ATP11A: variants seen among roughly 807,000 people sequenced by gnomAD.
ATP11A encodes ATPase phospholipid transporting 11A, also known as phospholipid-transporting ATPase IH.
A neutral mutation model predicts 154.4 loss-of-function variants in ATP11A; 81 were observed. The observed-to-expected ratio is 0.52, with a 90% CI of 0.44 to 0.63. ATP11A has a LOEUF of 0.63. Ranked by LOEUF, ATP11A falls within the 30% of genes least tolerant of loss-of-function variation. The probability of loss-of-function intolerance (pLI) is 0.00; values close to 1 mark genes in which losing one functional copy is unlikely to be tolerated. For missense variants in ATP11A, 1,316 were observed against 1,474.3 expected, an observed-to-expected ratio of 0.89 and a Z score of 1.76; for synonymous variants, 623 against 585.9, an observed-to-expected ratio of 1.06 and a Z score of -0.91.
chr13:112,782,096 G>A (rs2077514672), intron 1 of ATP11A, among the ~76,000 whole-genome samples: 1 of 152,246 alleles, frequency 6.6e-6, no homozygotes, highest in South Asian at 2.1e-4. Flanking sequence ...CGGGTTAAAC[G>A]CCGCTACACT....
intron 1 of ATP11A, among the ~76,000 whole-genome samples, chr13:112,779,757 T>C (rs1300599660): frequency 6.6e-6 from 1 of 151,848 alleles, no homozygotes; most frequent in Non-Finnish European, 1.5e-5. Flanking sequence ...AATACAAAAT[T>C]AGCTGGACGT....
chr13:112,770,936 G>A lies in ATP11A; in HGVS notation c.40-14199G>A, dbSNP rs115281475. Among the ~76,000 whole-genome samples the A allele has an allele frequency of 4.4e-3, 667 of 152,262 alleles. 7 individuals carry two copies. The highest frequency in any genetic ancestry group is 0.015 in the African/African-American group (623 of 41,542). On this transcript the variant is annotated intron_variant, in intron 1 of 29. Coordinates refer to ENST00000375645, the MANE Select transcript of ATP11A (RefSeq NM_015205.3). ...CTGGATACCTGTACATTTGAATACC[G>A]GCCATTAGGGAGAATCGCCCTGTAA... is the stretch of plus-strand genomic sequence containing the variant.
In ATP11A at chr13:112,862,490, C is replaced by G; in HGVS notation, c.2906C>G (p.Thr969Arg). 6.2e-7 allele frequency: 1 copy of G among 1,614,172 alleles called. No individual in the cohort carries two copies. Among genetic ancestry groups the G allele is most frequent in the Non-Finnish European group, 8.5e-7 (1 of 1,180,010 alleles). Reference sequence around the variant, plus strand: ...CGCTGGCGCGTGTTCATCTACTGGACGCTCCTGGGACTGTTTGACGCACTG... The same window carrying G: ...CGCTGGCGCGTGTTCATCTACTGGAGGCTCCTGGGACTGTTTGACGCACTG... Reference protein sequence around the residue: ...LLRWRVFIYWTLLGLFDALVF... With the variant: ...LLRWRVFIYWRLLGLFDALVF... Residue 969 changes from threonine (T) to arginine (R), a missense_variant, in exon 25 of 30, where the codon ACG becomes AGG. Thr to Arg is a moderately conservative substitution (Grantham distance 71). Coordinates refer to ENST00000375645, the MANE Select transcript of ATP11A (RefSeq NM_015205.3).
intron 1 of ATP11A, among the ~76,000 whole-genome samples, chr13:112,783,018 G>A (rs117081655): frequency 3.9e-5 from 6 of 152,314 alleles, no homozygotes; most frequent in East Asian, 1.9e-4. Context: ...GTCTCTTTCC[G>A]TTATTTTACT....
chr13:112,854,220 T>G, intron 18 of ATP11A, 59 bp from the exon 19 acceptor site: 2 of 1,541,050 alleles, frequency 1.3e-6, no homozygotes, highest in Non-Finnish European at 1.7e-6. Context: ...GTTCCTTATT[T>G]GGATTCCTGG....
At chr13:112,724,696 C>G (rs754542714) in intron 1 of ATP11A, among the ~76,000 whole-genome samples, 11 of 151,068 alleles carry the variant, frequency 7.3e-5, no homozygotes, top group South Asian at 2.1e-4. Context: ...CCGGCCCCCC[C>G]CCAGGAAGCT....
At chr13:112,744,295 G>A (rs1891879923) in intron 1 of ATP11A, among the ~76,000 whole-genome samples, 1 of 151,400 alleles carries the variant, frequency 6.6e-6, no homozygotes, top group South Asian at 2.1e-4. Context: ...CTGGGAGGGT[G>A]TGATGGAGTA....
In ATP11A at chr13:112,875,876, C is replaced by A. The variant is rs1180114590; in HGVS notation, c.3262C>A (p.Leu1088Ile). ...AIVLLVTISL[L>I]PDVLKKVLCR... ...CGTGCTGCTGGTGACCATCAGCCTC[C>A]TTCCCGACGTCCTCAAGAAAGTCCT... Residue 1088 changes from leucine (L) to isoleucine (I), a missense_variant, in exon 28 of 30, where the codon CTT becomes ATT. Around this residue, in one of 5 missense-constraint regions of ATP11A, gnomAD observed 294 missense variants for 290.2 expected, o/e 1.01. Coordinates refer to ENST00000375645, the MANE Select transcript of ATP11A (RefSeq NM_015205.3). The surrounding 1 kb of genome is among the most constrained non-coding windows in gnomAD (Gnocchi z 4.1). 1.2e-6 allele frequency: 2 copies of A among 1,613,866 alleles called. No individual in the cohort carries two copies. The highest frequency in any genetic ancestry group is 1.7e-6 in the Non-Finnish European group (2 of 1,180,040).
At chr13:112,808,796 C>T (rs2078401869) in intron 4 of ATP11A, among the ~76,000 whole-genome samples, 1 of 152,190 alleles carries the variant, frequency 6.6e-6, no homozygotes, top group South Asian at 2.1e-4. Context: ...CCAGAGCGGC[C>T]TTTCCCTGTG....
chr13:112,852,794 A>AG (rs1491395511), intron 18 of ATP11A, among the ~76,000 whole-genome samples: 4 of 138,814 alleles, frequency 2.9e-5, no homozygotes, highest in African/African-American at 1.1e-4. Flanking sequence ...GCGGGGGGGG[A>AG]TCTCAGTGGC....
chr13:112,788,482 G>C (rs553562981), intron 2 of ATP11A, among the ~76,000 whole-genome samples: 3 of 150,802 alleles, frequency 2.0e-5, no homozygotes, highest in Admixed American at 2.0e-4. Context: ...ATTCACACCG[G>C]GTGTCCTGAT....
At chr13:112,788,557 G>T (rs191561568) in intron 2 of ATP11A, among the ~76,000 whole-genome samples, 2 of 149,346 alleles carry the variant, frequency 1.3e-5, no homozygotes, top group East Asian at 2.0e-4. Flanking sequence ...CTCCTGTGGA[G>T]ACCTACTTAA....
At position 112,697,717 on chromosome 13, in the gene ATP11A, C is replaced by T. The variant is rs1413440975; in HGVS notation, c.39+7262C>T. On this transcript the variant is annotated intron_variant, in intron 1 of 29. Coordinates refer to ENST00000375645, the MANE Select transcript of ATP11A (RefSeq NM_015205.3). This position sits in a 1 kb window ranked among gnomAD's most constrained non-coding sequence, Gnocchi z 4.0. ...TGAGTAGCTGGGATTTGTGCCACGA[C>T]GCCCGGCCAGTTTTTTTTTTTTTTT... 5.2e-5 allele frequency among the ~76,000 whole-genome samples: 7 copies of T among 134,770 alleles called. No individual in the cohort carries two copies. Among genetic ancestry groups the T allele is most frequent in the East Asian group, 2.2e-4 (1 of 4,508 alleles). 88.4% of individuals were successfully genotyped at this position (134,770 alleles called of 152,430 possible). A position where few individuals can be genotyped will look rare whatever the true frequency, so the allele number is the denominator to read the frequency against.
At position 112,883,220 on chromosome 13, in the gene ATP11A, C is replaced by T. The variant is rs990012243; in HGVS notation, c.*1354C>T. 4.8e-5 allele frequency: 19 copies of T among 398,730 alleles called. 1 individual carries two copies. Among genetic ancestry groups the T allele is most frequent in the Admixed American group, 3.5e-4 (8 of 22,730 alleles). 24.7% of individuals were successfully genotyped at this position (398,730 alleles called of 1,614,324 possible). A position where few individuals can be genotyped will look rare whatever the true frequency, so the allele number is the denominator to read the frequency against. ...CTCCTTCGTCTTAGGATCTGTCCAG[C>T]GCTGCTCTGGGTGGGTTAGCAACCC... is the stretch of plus-strand genomic sequence containing the variant. On this transcript the variant is annotated 3_prime_UTR_variant, in exon 30 of 30. Coordinates refer to ENST00000375645, the MANE Select transcript of ATP11A (RefSeq NM_015205.3).
At chr13:112,862,669 G>GC in intron 25 of ATP11A, 94 bp downstream of exon 25, 7 of 1,536,172 alleles carry the variant, frequency 4.6e-6, no homozygotes, top group Non-Finnish European at 6.2e-6. Flanking sequence ...ATTCAGTGCA[G>GC]CCCATGCAGC....
In ATP11A at chr13:112,740,144, CTCTCTATATA is replaced by C. The variant is rs1489066236; in HGVS notation, c.40-44989_40-44980del. 4.7e-3 allele frequency among the ~76,000 whole-genome samples: 499 copies of C among 107,308 alleles called. 1 individual carries two copies. The highest frequency in any genetic ancestry group is 0.01 in the Admixed American group (109 of 10,702). The allele number at this position is 107,308 out of a possible 152,430, so 70.4% of individuals were successfully genotyped here. ...ATGTGAATTCTCTCTCTCTCTCTCT[CTCTCTATATA>C]TATATATATATATATAGATATCTAT... On this transcript the variant is annotated intron_variant, in intron 1 of 29. Transcript: ENST00000375645.
chr13:112,880,584 G>C, intron 29 of ATP11A: 1 of 1,300,836 alleles, frequency 7.7e-7, no homozygotes, highest in Non-Finnish European at 1.0e-6. Context: ...AGGCCGCACA[G>C]AGCAGCGATG....
intron 1 of ATP11A, among the ~76,000 whole-genome samples, chr13:112,714,799 A>T (rs1353547270): frequency 6.6e-6 from 1 of 152,154 alleles, no homozygotes; most frequent in Non-Finnish European, 1.5e-5. Flanking sequence ...CACATAACAA[A>T]CATGCAACAT....
At chr13:112,724,898 G>A (rs932810709) in intron 1 of ATP11A, among the ~76,000 whole-genome samples, 2 of 152,198 alleles carry the variant, frequency 1.3e-5, no homozygotes, top group African/African-American at 2.4e-5. Flanking sequence ...AAGTGTTTCT[G>A]TTTCCAAAGG....
Sources: gnomAD v4.1 joint callset for allele counts (sites outside exome capture counted in the v4.1 genomes callset) on GRCh38, gnomAD v4.1.1 for gene constraint, gnomAD v4.1.1 regional missense constraint, Gnocchi (gnomAD v3.1) non-coding constraint, MANE v1.5 for transcripts, NCBI Gene and HGNC (gene_info 2026-07-23, HGNC 2026-07-21) for gene names.